The following DIAPH3 variants were observed in gnomAD, a reference collection of about 807,000 sequenced individuals.
DIAPH3 encodes the protein protein diaphanous homolog 3.
DIAPH3 carries 117 observed loss-of-function variants against 144.3 expected under a neutral mutation model. The observed-to-expected ratio is 0.81, with a 90% confidence interval of 0.70 to 0.95. The LOEUF is 0.95. Among genes scored for constraint, DIAPH3 ranks in the 40% least tolerant of loss-of-function variants. The pLI is 0.00. For missense variants in DIAPH3, 1,421 were observed against 1,412.7 expected, an observed-to-expected ratio of 1.01 and a Z score of -0.09; for synonymous variants, 519 against 488.9, an observed-to-expected ratio of 1.06 and a Z score of -0.81.
At chr13:59,837,972 T>C (rs567124781) in intron 23 of DIAPH3, 11 of 152,216 alleles carry the variant, frequency 7.2e-5, no homozygotes, top group Middle Eastern at 6.8e-3. Context: ...ACAATTAAGC[T>C]GAAAGCATAT....
chr13:60,125,767 T>C (rs769980055), intron 2 of DIAPH3, among the ~76,000 whole-genome samples: 12 of 152,106 alleles, frequency 7.9e-5, no homozygotes, highest in African/African-American at 1.7e-4. Flanking sequence ...GCAATGTAGA[T>C]AGATCACTCT....
At chr13:59,804,581 T>C (rs77850389) in intron 25 of DIAPH3, among the ~76,000 whole-genome samples, 1,905 of 152,272 alleles carry the variant, frequency 0.013, 31 homozygotes, top group African/African-American at 0.042. Flanking sequence ...GCAGTAGTAG[T>C]AGCAGTTGTT....
In DIAPH3 at chr13:59,991,232, T is replaced by C. The variant is rs769801436; in HGVS notation, c.1287A>G (p.Lys429=). 3 of 1,611,540 alleles carry C rather than the reference T, an allele frequency of 1.9e-6. No homozygotes were observed. In the South Asian group the frequency reaches 3.3e-5, roughly 18 times the overall value. Reference sequence around the variant, plus strand: ...TAAAATATCCCTCTGCTCTAGTTTCTTTAACTGTGCTCCACACCATGTTGT... The same window carrying C: ...TAAAATATCCCTCTGCTCTAGTTTCCTTAACTGTGCTCCACACCATGTTGT... ...DVYNMVWSTV[K]ETRAEGYFIS... Residue 429 remains lysine, a synonymous_variant, in exon 12 of 28, where the codon AAA becomes AAG. Transcript: ENST00000400324.
intron 27 of DIAPH3, among the ~76,000 whole-genome samples, chr13:59,720,122 C>A (rs2035264139): frequency 6.6e-6 from 1 of 152,026 alleles, no homozygotes; most frequent in African/African-American, 2.4e-5. Context: ...CTAGGCTATA[C>A]CGTAACACGA....
chr13:59,753,534 CT>C (rs1419136018), intron 27 of DIAPH3, among the ~76,000 whole-genome samples: 1 of 152,108 alleles, frequency 6.6e-6, no homozygotes, highest in Non-Finnish European at 1.5e-5. Flanking sequence ...AGCAGATATC[CT>C]CTCGTGACAC....
intron 17 of DIAPH3, among the ~76,000 whole-genome samples, chr13:59,955,114 A>G (rs1378796205): frequency 6.6e-6 from 1 of 150,762 alleles, no homozygotes; most frequent in Admixed American, 6.6e-5. Flanking sequence ...ATACACACAC[A>G]CTTTTATATA....
At chr13:60,149,610 C>G (rs977843971) in intron 1 of DIAPH3, among the ~76,000 whole-genome samples, 4 of 151,944 alleles carry the variant, frequency 2.6e-5, no homozygotes, top group Middle Eastern at 3.4e-3. Flanking sequence ...AATAAATTAG[C>G]CAAGCGGTGC....
chr13:59,713,807 T>C lies in DIAPH3; in HGVS notation c.3320-46961A>G, dbSNP rs528008273. Among the ~76,000 whole-genome samples the C allele has an allele frequency of 6.6e-5, 10 of 152,330 alleles. No homozygotes were observed. The South Asian group carries it at 1.2e-3, about 19-fold the overall frequency. ...GAAAAGAAGAGGGCCTGTCCCAAGA[T>C]CCATATGTCTTTGGACATAGCTGTG... On this transcript the variant is annotated intron_variant, in intron 27 of 27. Coordinates refer to ENST00000400324, the MANE Select transcript of DIAPH3 (RefSeq NM_001042517.2).
intron 2 of DIAPH3, among the ~76,000 whole-genome samples, chr13:60,125,394 A>ATTTTTTTCTT (rs2058961260): frequency 1.0e-5 from 1 of 97,830 alleles, no homozygotes; most frequent in Non-Finnish European, 2.0e-5. Context: ...CACCCAGCTA[A>ATTTTTTTCTT]TTTTTTTTTT....
chr13:59,712,639 G>C (rs2034812425), intron 27 of DIAPH3, among the ~76,000 whole-genome samples: 1 of 152,138 alleles, frequency 6.6e-6, no homozygotes, highest in African/African-American at 2.4e-5. Flanking sequence ...CCACTTCTTT[G>C]GGGGAGGCTC....
chr13:60,115,952 C>T (rs193300069), intron 2 of DIAPH3, among the ~76,000 whole-genome samples: 69 of 152,074 alleles, frequency 4.5e-4, no homozygotes, highest in Middle Eastern at 3.4e-3. Context: ...TGAAACTACC[C>T]TTCATAAGTA....
chr13:59,964,313 T>G (rs762464004), intron 17 of DIAPH3, among the ~76,000 whole-genome samples: 120 of 152,084 alleles, frequency 7.9e-4, no homozygotes, highest in Non-Finnish European at 1.3e-3. Flanking sequence ...CTTTCCTTTC[T>G]CCAGTAGAAG....
chr13:59,741,235 C>T (rs1054153799), intron 27 of DIAPH3, among the ~76,000 whole-genome samples: 3 of 152,008 alleles, frequency 2.0e-5, no homozygotes, highest in African/African-American at 4.8e-5. Flanking sequence ...AGTTTTCTTT[C>T]TTTATAGGCA....
intron 27 of DIAPH3, among the ~76,000 whole-genome samples, chr13:59,736,812 C>G (rs2036176681): frequency 6.6e-6 from 1 of 152,046 alleles, no homozygotes; most frequent in East Asian, 1.9e-4. Flanking sequence ...AAAACAGAGA[C>G]ACGGACTGAA....
intron 9 of DIAPH3, among the ~76,000 whole-genome samples, chr13:60,003,439 A>G (rs1446536721): frequency 5.3e-5 from 8 of 151,902 alleles, no homozygotes; most frequent in Non-Finnish European, 2.9e-5. Context: ...GTTTGAAAAA[A>G]AAGTAATGTA....
At chr13:60,033,377 TA>T (rs769995978) in intron 5 of DIAPH3, among the ~76,000 whole-genome samples, 7 of 151,682 alleles carry the variant, frequency 4.6e-5, no homozygotes, top group African/African-American at 1.2e-4. Flanking sequence ...TGCATTTCTA[TA>T]AAAAAAAATC....
intron 21 of DIAPH3, among the ~76,000 whole-genome samples, chr13:59,871,187 ATT>A (rs36004791): frequency 1.2e-4 from 7 of 60,060 alleles, no homozygotes; most frequent in East Asian, 1.2e-3. Context: ...TTTTTTGTCC[ATT>A]TTTTTTGGGG....
At chr13:59,742,980 G>C (rs576848692) in intron 27 of DIAPH3, among the ~76,000 whole-genome samples, 1 of 152,176 alleles carries the variant, frequency 6.6e-6, no homozygotes, top group South Asian at 2.1e-4. Context: ...GAATTGTACA[G>C]AGTTGAAAAG....
At chr13:60,040,295 G>GA (rs1370699411) in intron 5 of DIAPH3, among the ~76,000 whole-genome samples, 2 of 130,650 alleles carry the variant, frequency 1.5e-5, no homozygotes, top group African/African-American at 2.9e-5. Flanking sequence ...CATGATTTCA[G>GA]AAAAAATTCT....
Sources: gnomAD v4.1 joint callset for allele counts (sites outside exome capture counted in the v4.1 genomes callset) on GRCh38, gnomAD v4.1.1 for gene constraint, MANE v1.5 for transcripts, NCBI Gene and HGNC (gene_info 2026-07-23, HGNC 2026-07-21) for gene names.